PABPC4L: variants seen among roughly 807,000 people sequenced by gnomAD.
PABPC4L encodes polyadenylate-binding protein 4-like.
For missense variants in PABPC4L, 452 were observed against 451.4 expected (o/e 1.00, Z -0.01); for synonymous variants, 169 against 164.1 (o/e 1.03, Z -0.23).
At chr4:134,061,925 T>G in the PABPC4L span, among the ~76,000 whole-genome samples, 1 of 151,862 alleles carries the variant, frequency 6.6e-6, no homozygotes, top group Non-Finnish European at 1.5e-5. Context: ...TTTTAAGCAA[T>G]TTTTAATTAT....
At chr4:134,165,156 T>A in the PABPC4L span, among the ~76,000 whole-genome samples, 6 of 152,112 alleles carry the variant, frequency 3.9e-5, no homozygotes, top group Admixed American at 3.9e-4. Context: ...AAGCTTTAAA[T>A]CTAAAACCTA....
the PABPC4L span, among the ~76,000 whole-genome samples, chr4:134,051,047 TA>T: frequency 6.6e-6 from 1 of 152,138 alleles, no homozygotes; most frequent in East Asian, 1.9e-4. Flanking sequence ...GTAACAAAAT[TA>T]AGTCTCTAAT....
the PABPC4L span, among the ~76,000 whole-genome samples, chr4:134,021,685 T>C: frequency 6.6e-6 from 1 of 152,160 alleles, no homozygotes; most frequent in African/African-American, 2.4e-5. Flanking sequence ...GTCTGCTCCT[T>C]CACACCTACT....
the PABPC4L span, among the ~76,000 whole-genome samples, chr4:134,023,843 A>T: frequency 6.6e-6 from 1 of 152,154 alleles, no homozygotes; most frequent in Non-Finnish European, 1.5e-5. Flanking sequence ...CTATGTGAAT[A>T]CATGAATATG....
At chr4:134,073,696 A>G in the PABPC4L span, among the ~76,000 whole-genome samples, 2 of 152,166 alleles carry the variant, frequency 1.3e-5, no homozygotes, top group Non-Finnish European at 2.9e-5. Flanking sequence ...TGCACATCCA[A>G]GCATTTCCAT....
the PABPC4L span, among the ~76,000 whole-genome samples, chr4:133,956,493 G>T: frequency 2.0e-5 from 3 of 151,908 alleles, no homozygotes; most frequent in Admixed American, 6.6e-5. Context: ...CCCAAATATG[G>T]TACCTTGGCA....
At chr4:134,097,758 C>A in the PABPC4L span, among the ~76,000 whole-genome samples, 2 of 151,874 alleles carry the variant, frequency 1.3e-5, no homozygotes, top group African/African-American at 2.4e-5. Flanking sequence ...TTGTGCTCCA[C>A]TTTACTCAAA....
At chr4:134,090,289 A>T in the PABPC4L span, among the ~76,000 whole-genome samples, 6 of 152,148 alleles carry the variant, frequency 3.9e-5, no homozygotes, top group African/African-American at 2.4e-5. Flanking sequence ...GTGTCTTGTG[A>T]TTTTATACTC....
chr4:133,950,786 T>A, the PABPC4L span, among the ~76,000 whole-genome samples: 1 of 152,214 alleles, frequency 6.6e-6, no homozygotes, highest in Admixed American at 6.5e-5. Flanking sequence ...ACCTCCATAG[T>A]GTTCCCTTTT....
chr4:134,076,680 A>G, the PABPC4L span, among the ~76,000 whole-genome samples: 1 of 152,132 alleles, frequency 6.6e-6, no homozygotes, highest in Non-Finnish European at 1.5e-5. Context: ...ATACATTTGA[A>G]ATGCTCATGA....
chr4:134,190,909 C>A, the PABPC4L span, among the ~76,000 whole-genome samples: 1 of 152,230 alleles, frequency 6.6e-6, no homozygotes, highest in South Asian at 2.1e-4. Flanking sequence ...ACCTCGGCCT[C>A]CCAATGTGCT....
chr4:134,067,768 A>T, the PABPC4L span, among the ~76,000 whole-genome samples: 1 of 151,980 alleles, frequency 6.6e-6, no homozygotes, highest in Non-Finnish European at 1.5e-5. Flanking sequence ...TTTCTGCCTT[A>T]ATTTTATTGT....
chr4:134,055,602 GTGTC>G, the PABPC4L span, among the ~76,000 whole-genome samples: 4 of 147,078 alleles, frequency 2.7e-5, no homozygotes, highest in East Asian at 7.9e-4. Context: ...TATGCCATCT[GTGTC>G]TCTTCACTGA....
chr4:134,130,195 C>A, the PABPC4L span, among the ~76,000 whole-genome samples: 1 of 150,528 alleles, frequency 6.6e-6, no homozygotes, highest in Admixed American at 6.6e-5. Context: ...AGGATCAGAG[C>A]AGAACTAAAT....
chr4:133,960,551 A>G, the PABPC4L span, among the ~76,000 whole-genome samples: 2 of 152,290 alleles, frequency 1.3e-5, no homozygotes, highest in Admixed American at 1.3e-4. Context: ...AATTTGGACC[A>G]GTCGAGAAGC....
the PABPC4L span, among the ~76,000 whole-genome samples, chr4:134,159,921 G>T: frequency 6.6e-6 from 1 of 152,090 alleles, no homozygotes; most frequent in Non-Finnish European, 1.5e-5. Context: ...CTTGAAACTT[G>T]AGTATAAACT....
At chr4:134,139,774 C>G in the PABPC4L span, among the ~76,000 whole-genome samples, 1 of 151,612 alleles carries the variant, frequency 6.6e-6, no homozygotes, top group South Asian at 2.1e-4. Context: ...ATCCTTCCAC[C>G]TAGGCCCAAA....
the PABPC4L span, among the ~76,000 whole-genome samples, chr4:134,168,020 A>G: frequency 6.6e-6 from 1 of 152,100 alleles, no homozygotes; most frequent in African/African-American, 2.4e-5. Flanking sequence ...ACATTCTCAA[A>G]GATAGTATAT....
the PABPC4L span, among the ~76,000 whole-genome samples, chr4:134,139,852 A>T: frequency 6.6e-6 from 1 of 151,832 alleles, no homozygotes; most frequent in Non-Finnish European, 1.5e-5. Context: ...GGAATATTTG[A>T]TCTCTTGAGA....
Sources: allele counts gnomAD v4.1 joint callset (sites outside exome capture counted in the v4.1 genomes callset), GRCh38; gene constraint gnomAD v4.1.1; transcripts MANE v1.5; gene names NCBI Gene and HGNC (gene_info 2026-07-23, HGNC 2026-07-21).